Variants in ACAN observed in about 807,000 individuals in gnomAD.
ACAN encodes aggrecan.
A neutral mutation model predicts 169.1 loss-of-function variants in ACAN; 47 were observed. The ratio of observed to expected loss-of-function variants is 0.28; its 90% CI spans 0.22 to 0.35. The LOEUF (loss-of-function observed/expected upper bound fraction) is 0.35. Among genes scored for constraint, ACAN ranks in the 10% least tolerant of loss-of-function variants. The pLI is 1.00. For synonymous variants in ACAN, 1,115 were observed against 1,112.2 expected (o/e 1.00, Z -0.05); for missense variants, 2,716 against 2,759.9 (o/e 0.98, Z 0.36).
chr15:88,857,300 G>A lies in ACAN; in HGVS notation c.4715G>A (p.Gly1572Glu). ...VGTDLSGLPSGREGLETSASG... is the reference protein window; with the variant it reads ...VGTDLSGLPSEREGLETSASG... Reference sequence around the variant, plus strand: ...ACTGACCTCAGTGGGCTTCCTTCTGGAAGGGAGGGTCTAGAGACTTCAGCT... The same window carrying A: ...ACTGACCTCAGTGGGCTTCCTTCTGAAAGGGAGGGTCTAGAGACTTCAGCT... The change falls in exon 12 of 19, where the codon GGA becomes GAA. Residue 1572 changes from glycine (G) to glutamate (E), a missense_variant. By Grantham distance (98) the Gly-to-Glu change is moderately conservative. This residue lies in a region of ACAN where 1,389 missense variants were observed against 1,363.7 expected (regional missense o/e 1.02). Transcript: ENST00000560601. 6.2e-7 allele frequency: 1 copy of A among 1,613,960 alleles called. No homozygotes were observed. The highest frequency in any genetic ancestry group is 8.5e-7 in the Non-Finnish European group (1 of 1,179,902).
chr15:88,848,122 G>A, intron 9 of ACAN, 84 bp downstream of exon 9: 2 of 1,542,380 alleles, frequency 1.3e-6, no homozygotes, highest in Non-Finnish European at 1.8e-6. Context: ...AGAAGAGAGG[G>A]GGTTACCACC....
Position 88,873,002 on chromosome 15 carries a change from C to G in ACAN, c.7424C>G (p.Pro2475Arg). Reference protein sequence around the residue: ...WNDVPCNYHLPFTCKKGTVAC... With the variant: ...WNDVPCNYHLRFTCKKGTVAC... The stretch of plus-strand genomic sequence containing the variant: ...GATGTTCCCTGCAATTACCACCTCC[C>G]CTTCACGTGTAAAAAGGGCACAGGT... The change falls in exon 17 of 19, where the codon CCC becomes CGC. Residue 2475 changes from proline (P) to arginine (R), a missense_variant. Pro to Arg is a moderately radical substitution (Grantham distance 103). Around this residue, in one of 3 missense-constraint regions of ACAN, gnomAD observed 1,389 missense variants for 1,363.7 expected, o/e 1.02. Transcript: ENST00000560601. The surrounding 1 kb of genome is among the most constrained non-coding windows in gnomAD (Gnocchi z 7.5). The G allele has an allele frequency of 6.2e-7, 1 of 1,613,344 alleles. No individual in the cohort carries two copies. The highest frequency in any genetic ancestry group is 1.1e-5 in the South Asian group (1 of 90,876).
chr15:88,868,742 C>T lies in ACAN; in HGVS notation c.7060+413C>T, dbSNP rs571417855. Among the ~76,000 whole-genome samples, 23 of 152,308 alleles carry T rather than the reference C, an allele frequency of 1.5e-4. No homozygotes were observed. In the East Asian group the frequency reaches 4.1e-3, roughly 27 times the overall value. ...CATGGGCATGGGACCTTTGTGGTTC[C>T]TTCATGGCCCTGGGAGCCACTGTGC... On this transcript the variant is annotated intron_variant, in intron 14 of 18. Transcript: ENST00000560601. The surrounding 1 kb of genome is among the most constrained non-coding windows in gnomAD (Gnocchi z 5.2).
chr15:88,813,871 A>T (rs1420643373), intron 1 of ACAN, among the ~76,000 whole-genome samples: 1 of 152,170 alleles, frequency 6.6e-6, no homozygotes, highest in South Asian at 2.1e-4. Flanking sequence ...CCTCACCTCC[A>T]GAATAATCTG....
chr15:88,847,354 A>C lies in ACAN; in HGVS notation c.1541A>C (p.Gln514Pro), dbSNP rs1896819389. 3.8e-6 allele frequency: 6 copies of C among 1,588,820 alleles called. No individual in the cohort carries two copies. Among genetic ancestry groups the C allele is most frequent in the Non-Finnish European group, 5.1e-6 (6 of 1,168,684 alleles). ...GAVIASPEQLQAAYEAGYEQC... is the reference protein window; with the variant it reads ...GAVIASPEQLPAAYEAGYEQC... ...GTCATTGCCTCGCCGGAGCAGCTCC[A>C]GGCCGCCTACGAAGCAGGCTATGAG... Residue 514 changes from glutamine to proline, a missense_variant, in exon 8 of 19, where the codon CAG becomes CCG. This residue lies in a region of ACAN where 1,283 missense variants were observed against 1,281.5 expected (regional missense o/e 1.00). Transcript: ENST00000560601.
rs932403663 is a variant in ACAN, at chr15:88,849,565, C to A, written c.1860C>A (p.Asp620Glu). The A allele has an allele frequency of 6.2e-7, 1 of 1,607,578 alleles. No individual in the cohort carries two copies. The highest frequency in any genetic ancestry group is 8.5e-7 in the Non-Finnish European group (1 of 1,177,450). Residue 620 changes from aspartate to glutamate, a missense_variant, in exon 10 of 19, where the codon GAC becomes GAA. Coordinates refer to ENST00000560601, the MANE Select transcript of ACAN (RefSeq NM_001369268.1). The surrounding 1 kb of genome is among the most constrained non-coding windows in gnomAD (Gnocchi z 5.1). ...ACGCCGCCTGGAGCCGCGGCCTGGA[C>A]AAGTGCTATGCCGGCTGGCTGGCCG... ...QLYAAWSRGL[D>E]KCYAGWLADG... is the part of the protein sequence containing the mutation.
intron 7 of ACAN, among the ~76,000 whole-genome samples, chr15:88,846,357 G>C (rs11073815): frequency 0.51 from 77,652 of 152,064 alleles, 20,980 homozygotes; most frequent in Non-Finnish European, 0.62. Flanking sequence ...TATGGCCCAT[G>C]ACTTAAGAAT....
intron 1 of ACAN, among the ~76,000 whole-genome samples, chr15:88,823,811 C>G (rs1310038460): frequency 1.3e-5 from 2 of 152,170 alleles, no homozygotes; most frequent in Admixed American, 1.3e-4. Flanking sequence ...CCTACTACTC[C>G]CTGCTTGGTG....
intron 1 of ACAN, among the ~76,000 whole-genome samples, chr15:88,828,803 G>A (rs1896289714): frequency 6.6e-6 from 1 of 152,204 alleles, no homozygotes; most frequent in South Asian, 2.1e-4. Flanking sequence ...TTTCAGAGAT[G>A]GAAAATCCGA....
intron 1 of ACAN, among the ~76,000 whole-genome samples, chr15:88,825,788 T>C (rs2141529537): frequency 6.6e-6 from 1 of 152,330 alleles, no homozygotes; most frequent in Non-Finnish European, 1.5e-5. Context: ...AGCCTGCTCC[T>C]TCCACTTCCT....
In ACAN at chr15:88,856,942, T is replaced by G. The variant is rs1353713366; in HGVS notation, c.4357T>G (p.Ser1453Ala). The change falls in exon 12 of 19, where the codon TCT becomes GCT. Residue 1453 changes from serine (S) to alanine (A), a missense_variant. By Grantham distance (99) the Ser-to-Ala change is moderately conservative. Coordinates refer to ENST00000560601, the MANE Select transcript of ACAN (RefSeq NM_001369268.1). ...AGTAGAGGAGATCAGCGGGCTTCCTTCTGGAGAAGTTCTAGAGACTTCTAC... is the reference window on the plus strand; with the variant it reads ...AGTAGAGGAGATCAGCGGGCTTCCTGCTGGAGAAGTTCTAGAGACTTCTAC... Reference protein sequence around the residue: ...PGVEEISGLPSGEVLETSTSA... With the variant: ...PGVEEISGLPAGEVLETSTSA... 6 of 1,613,084 alleles carry G rather than the reference T, an allele frequency of 3.7e-6. No individual in the cohort carries two copies. The highest frequency in any genetic ancestry group is 1.3e-5 in the African/African-American group (1 of 74,714).
intron 1 of ACAN, among the ~76,000 whole-genome samples, chr15:88,833,473 A>G (rs1278251769): frequency 6.6e-6 from 1 of 152,024 alleles, no homozygotes; most frequent in African/African-American, 2.4e-5. Context: ...CCATGGAGAA[A>G]GGCCTCCCTG....
At chr15:88,817,072 C>G (rs1206429196) in intron 1 of ACAN, among the ~76,000 whole-genome samples, 2 of 152,178 alleles carry the variant, frequency 1.3e-5, no homozygotes, top group Admixed American at 6.5e-5. Context: ...AAAACTCCTG[C>G]TCTCCTAATG....
Position 88,871,660 on chromosome 15 carries a change from G to A in ACAN, c.7219+120G>A, listed in dbSNP as rs1426036221. 1 of 1,335,328 alleles carries A rather than the reference G, an allele frequency of 7.5e-7. No homozygotes were observed. Among genetic ancestry groups the A allele is most frequent in the Non-Finnish European group, 1.0e-6 (1 of 992,942 alleles). 82.7% of individuals were successfully genotyped at this position (1,335,328 alleles called of 1,614,324 possible). ...GACTGCAGGACAGGGACCTGGGGGA[G>A]GGGGAACAGTGTTCCCACAGTCTGA... On this transcript the variant is annotated intron_variant, in intron 15 of 18. Coordinates refer to ENST00000560601, the MANE Select transcript of ACAN (RefSeq NM_001369268.1). The surrounding 1 kb of genome is among the most constrained non-coding windows in gnomAD (Gnocchi z 7.8).
In ACAN at chr15:88,839,062, A is replaced by T. The variant is rs1330416322; in HGVS notation, c.454+16A>T. 2.5e-6 allele frequency: 4 copies of T among 1,598,794 alleles called. No homozygotes were observed. In the East Asian group the frequency reaches 6.7e-5, roughly 27 times the overall value. On this transcript the variant is annotated intron_variant, in intron 3 of 18. Transcript: ENST00000560601. This position sits in a 1 kb window ranked among gnomAD's most constrained non-coding sequence, Gnocchi z 4.5. ...GTGGTGAAAGGTGAGAGCCTCCCAC[A>T]GGGACAGACGCTGCTTCACCCACAT...
rs138849113 is a variant in ACAN, at chr15:88,836,289, C to T, written c.70+13C>T. ...GTAGAAACTTCAGGTGAGGACATTCCTATACATGTTTCACGTATTCAGTAG... is the reference window on the plus strand; with the variant it reads ...GTAGAAACTTCAGGTGAGGACATTCTTATACATGTTTCACGTATTCAGTAG... On this transcript the variant is annotated intron_variant, in intron 2 of 18. Coordinates refer to ENST00000560601, the MANE Select transcript of ACAN (RefSeq NM_001369268.1). 19 of 1,609,150 alleles carry T rather than the reference C, an allele frequency of 1.2e-5. No individual in the cohort carries two copies. The Middle Eastern group carries it at 9.9e-4, about 84-fold the overall frequency.
chr15:88,846,756 C>G (rs944963062), intron 7 of ACAN, among the ~76,000 whole-genome samples: 1 of 152,188 alleles, frequency 6.6e-6, no homozygotes, highest in Non-Finnish European at 1.5e-5. Context: ...ACTTGTATAT[C>G]AGGGACTTGA....
At chr15:88,865,079 C>T (rs1897259343) in intron 13 of ACAN, among the ~76,000 whole-genome samples, 1 of 152,216 alleles carries the variant, frequency 6.6e-6, no homozygotes, top group African/African-American at 2.4e-5. Flanking sequence ...TATCTCTACT[C>T]CCCTGGCCTT....
chr15:88,816,569 C>T (rs1038419147), intron 1 of ACAN, among the ~76,000 whole-genome samples: 3 of 152,168 alleles, frequency 2.0e-5, no homozygotes, highest in African/African-American at 7.2e-5. Flanking sequence ...TAGATAACAA[C>T]ACTGAGACAT....
Sources: gnomAD v4.1 joint callset for allele counts (sites outside exome capture counted in the v4.1 genomes callset) on GRCh38, gnomAD v4.1.1 for gene constraint, gnomAD v4.1.1 regional missense constraint, Gnocchi (gnomAD v3.1) non-coding constraint, MANE v1.5 for transcripts, NCBI Gene and HGNC (gene_info 2026-07-23, HGNC 2026-07-21) for gene names.